The following UACA variants were observed in gnomAD, a reference collection of about 807,000 sequenced individuals.
UACA encodes the protein nuclear membrane binding protein.
Under a neutral mutation model 160.5 loss-of-function variants are expected in UACA, and 112 were observed. That is an observed-to-expected ratio of 0.70 (90% CI 0.60 to 0.82). The LOEUF (loss-of-function observed/expected upper bound fraction) is 0.82, where lower values mean the gene tolerates loss of function less well. Among genes scored for constraint, UACA ranks in the 40% least tolerant of loss-of-function variants. UACA has a pLI of 0.00. For missense variants in UACA, 1,574 were observed against 1,614.6 expected (o/e 0.97, Z 0.43); for synonymous variants, 557 against 568.4 (o/e 0.98, Z 0.29).
chr15:70,725,313 G>A (rs1899111715), intron 1 of UACA, among the ~76,000 whole-genome samples: 1 of 152,090 alleles, frequency 6.6e-6, no homozygotes, highest in Non-Finnish European at 1.5e-5. Context: ...TCTTGTCCAG[G>A]AAAAGTAAAT....
At chr15:70,702,164 G>C in intron 1 of UACA, 1 of 1,262,304 alleles carries the variant, frequency 7.9e-7, no homozygotes, top group South Asian at 2.5e-5. Flanking sequence ...CCCCAAGTCA[G>C]GTACAGTAAC....
rs1463337434 is a variant in UACA, at chr15:70,667,678, C to G, written c.3006G>C (p.Glu1002Asp). The part of the protein sequence containing the change: ...EECERKFKAT[E>D]KELKDQLSEQ... ...CTGATAACTGGTCTTTTAGTTCTTTCTCTGTTGCTTTAAATTTTCTCTCGC... is the reference window on the plus strand; with the variant it reads ...CTGATAACTGGTCTTTTAGTTCTTTGTCTGTTGCTTTAAATTTTCTCTCGC... Residue 1002 changes from glutamate to aspartate, a missense_variant, in exon 16 of 19, where the codon GAG becomes GAC. Physicochemically the swap from Glu to Asp is conservative, Grantham distance 45. Coordinates refer to ENST00000322954, the MANE Select transcript of UACA (RefSeq NM_018003.4). The G allele has an allele frequency of 6.2e-7, 1 of 1,613,626 alleles. No individual in the cohort carries two copies. The highest frequency in any genetic ancestry group is 8.5e-7 in the Non-Finnish European group (1 of 1,180,008).
At chr15:70,722,110 A>C (rs1422026274) in intron 1 of UACA, among the ~76,000 whole-genome samples, 1 of 152,230 alleles carries the variant, frequency 6.6e-6, no homozygotes, top group Non-Finnish European at 1.5e-5. Flanking sequence ...CAGGCAAATT[A>C]ATAATGCATT....
chr15:70,669,170 C>T lies in UACA; in HGVS notation c.1514G>A (p.Arg505Lys). 6.2e-7 allele frequency: 1 copy of T among 1,614,034 alleles called. No individual in the cohort carries two copies. ...AACTTTACCTTCTGACTCATACATC[C>T]TCTTCTGCACATCTTTTAATGCATC... ...LEDALKDVQK[R>K]MYESEGKVKQ... The change falls in exon 16 of 19, where the codon AGG becomes AAG. Residue 505 changes from arginine (R) to lysine (K), a missense_variant. Coordinates refer to ENST00000322954, the MANE Select transcript of UACA (RefSeq NM_018003.4).
At chr15:70,723,430 C>G (rs918968066) in intron 1 of UACA, among the ~76,000 whole-genome samples, 1 of 152,142 alleles carries the variant, frequency 6.6e-6, no homozygotes, top group African/African-American at 2.4e-5. Flanking sequence ...TCCTTAATGA[C>G]GTCTAAGATC....
Position 70,687,801 on chromosome 15 carries a change from A to G in UACA, c.444T>C (p.Ser148=), listed in dbSNP as rs1566976158. The G allele has an allele frequency of 3.7e-6, 6 of 1,613,666 alleles. No homozygotes were observed. Among genetic ancestry groups the G allele is most frequent in the East Asian group, 2.2e-5 (1 of 44,880 alleles). The change falls in exon 6 of 19, where the codon TCT becomes TCC. Residue 148 remains serine, a synonymous_variant. Transcript: ENST00000322954. ...CATGGTCACAAAGCAGCTGTATGCT[A>G]GAAGGACAATCTGCCATTGCTTTAA... ...LHDAAMADCP[S]SIQLLCDHGA...
intron 1 of UACA, among the ~76,000 whole-genome samples, chr15:70,725,792 A>G (rs928789232): frequency 6.6e-5 from 10 of 152,228 alleles, no homozygotes; most frequent in African/African-American, 1.4e-4. Context: ...GGCACTGGCC[A>G]TGCAGAAACA....
chr15:70,658,165 C>T (rs1370348733), intron 18 of UACA, among the ~76,000 whole-genome samples: 2 of 152,160 alleles, frequency 1.3e-5, no homozygotes, highest in Non-Finnish European at 2.9e-5. Flanking sequence ...TTATATAACA[C>T]ATACTATTTT....
rs970579095 is a variant in UACA at position 70,667,205 on chromosome 15, T to C, written c.3479A>G (p.Lys1160Arg). Reference sequence around the variant, plus strand: ...CTCTGCCAGGGGTACAGAAGAGTTCTTTTGATTCTCCAACAATTGATGCAG... The same window carrying C: ...CTCTGCCAGGGGTACAGAAGAGTTCCTTTGATTCTCCAACAATTGATGCAG... ...TKLHQLLENQ[K>R]NSSVPLAEHL... Residue 1160 changes from lysine (K) to arginine (R), a missense_variant, in exon 16 of 19, where the codon AAG (lysine) becomes AGG (arginine). Coordinates refer to ENST00000322954, the MANE Select transcript of UACA (RefSeq NM_018003.4). 1 of 1,613,936 alleles carries C rather than the reference T, an allele frequency of 6.2e-7. No individual in the cohort carries two copies. The highest frequency in any genetic ancestry group is 1.1e-5 in the South Asian group (1 of 91,060).
At chr15:70,709,833 T>C (rs1898628824) in intron 1 of UACA, among the ~76,000 whole-genome samples, 1 of 152,206 alleles carries the variant, frequency 6.6e-6, no homozygotes, top group Non-Finnish European at 1.5e-5. Context: ...GCTAAAATGA[T>C]TAGGTAACTA....
rs1241574077 is a variant in UACA at position 70,677,145 on chromosome 15, A to AT, written c.1000-6dup. ...ATCATCAGCAACCATAACTTCCTAA[A>AT]TTTAAAAAGAACACAAAATATTTTA... On this transcript the variant is annotated splice_polypyrimidine_tract_variant and splice_region_variant and intron_variant, in intron 11 of 18. Coordinates refer to ENST00000322954, the MANE Select transcript of UACA (RefSeq NM_018003.4). The AT allele has an allele frequency of 1.3e-6, 2 of 1,598,288 alleles. No homozygotes were observed. Among genetic ancestry groups the AT allele is most frequent in the Admixed American group, 1.7e-5 (1 of 58,320 alleles).
intron 3 of UACA, among the ~76,000 whole-genome samples, chr15:70,691,711 GAA>G (rs1897942642): frequency 1.3e-5 from 2 of 152,240 alleles, no homozygotes; most frequent in South Asian, 4.1e-4. Context: ...AGACAATGAG[GAA>G]AGAAGAGAGA....
intron 16 of UACA, 138 bp from the exon 17 acceptor site, chr15:70,664,952 G>A (rs1896852455): frequency 3.0e-6 from 2 of 675,740 alleles, no homozygotes; most frequent in Admixed American, 3.5e-5. Flanking sequence ...ATATTGCCAA[G>A]ACTGTTACCA....
intron 1 of UACA, among the ~76,000 whole-genome samples, chr15:70,742,714 T>A: frequency 6.6e-6 from 1 of 152,206 alleles, no homozygotes; most frequent in Non-Finnish European, 1.5e-5. Context: ...CATGTGAATG[T>A]TTCATATGAC....
intron 1 of UACA, among the ~76,000 whole-genome samples, chr15:70,725,458 G>A (rs1334048219): frequency 6.6e-6 from 1 of 152,148 alleles, no homozygotes; most frequent in African/African-American, 2.4e-5. Flanking sequence ...TATAAGAAAA[G>A]CATAGTCATT....
At chr15:70,672,060 G>GT in intron 13 of UACA, 59 bp from the exon 14 acceptor site, 10 of 1,495,832 alleles carry the variant, frequency 6.7e-6, no homozygotes, top group Non-Finnish European at 9.1e-6. Flanking sequence ...GTTAAATTCT[G>GT]TATCTATTTT....
chr15:70,684,264 C>A lies in UACA; in HGVS notation c.784+1G>T, dbSNP rs536871154. ...TTCTAGTTACAGAAAACTGCTGATACCTTTGTTGGTATTTTCCGATGCAGT... is the reference window on the plus strand; with the variant it reads ...TTCTAGTTACAGAAAACTGCTGATAACTTTGTTGGTATTTTCCGATGCAGT... On this transcript the variant is annotated splice_donor_variant, in intron 8 of 18. Transcript: ENST00000322954. LOFTEE classifies it high-confidence loss of function. The A allele has an allele frequency of 3.1e-6, 5 of 1,598,858 alleles. No homozygotes were observed. The highest frequency in any genetic ancestry group is 1.4e-5 in the African/African-American group (1 of 74,016).
chr15:70,660,116 G>C, intron 18 of UACA, 35 bp downstream of exon 18: 7 of 1,543,792 alleles, frequency 4.5e-6, no homozygotes, highest in Non-Finnish European at 6.2e-6. Flanking sequence ...TATCTCTAAA[G>C]CAATATTCTT....
Position 70,671,029 on chromosome 15 carries a change from C to T in UACA, c.1221+10G>A. On this transcript the variant is annotated intron_variant, in intron 15 of 18. Coordinates refer to ENST00000322954, the MANE Select transcript of UACA (RefSeq NM_018003.4). ...TGTTTTTTAAAATTAAAAAAAAAAA[C>T]AGTTATTACCTGTGAGTCTGCCATA... 6.8e-7 allele frequency: 1 copy of T among 1,465,440 alleles called. No individual in the cohort carries two copies. Among genetic ancestry groups the T allele is most frequent in the Non-Finnish European group, 9.1e-7 (1 of 1,096,514 alleles). The allele number at this position is 1,465,440 out of a possible 1,614,324, so 90.8% of individuals were successfully genotyped here.
Sources: gnomAD v4.1 joint callset for allele counts (sites outside exome capture counted in the v4.1 genomes callset) on GRCh38, gnomAD v4.1.1 for gene constraint, MANE v1.5 for transcripts, NCBI Gene and HGNC (gene_info 2026-07-23, HGNC 2026-07-21) for gene names.